SHISAL2B: variants seen among roughly 807,000 people sequenced by gnomAD.
SHISAL2B encodes the protein protein shisa-like-2B.
Under a neutral mutation model 16.5 loss-of-function variants are expected in SHISAL2B, and 12 were observed. That is an observed-to-expected ratio of 0.73 (90% CI 0.47 to 1.18). The LOEUF (loss-of-function observed/expected upper bound fraction) is 1.18, where lower values mean the gene tolerates loss of function less well. Among genes scored for constraint, SHISAL2B ranks in the 50% most tolerant of loss-of-function variants. The pLI, the probability that SHISAL2B is intolerant of heterozygous loss-of-function variation, is 0.00. For synonymous variants in SHISAL2B, 72 were observed against 75.0 expected, an observed-to-expected ratio of 0.96 and a Z score of 0.21; for missense variants, 183 against 193.6, an observed-to-expected ratio of 0.95 and a Z score of 0.33.
chr5:64,714,693 T>C (rs572167921), intron 2 of SHISAL2B, among the ~76,000 whole-genome samples: 90 of 152,212 alleles, frequency 5.9e-4, no homozygotes, highest in Admixed American at 2.1e-3. Flanking sequence ...ATCAGCGAGA[T>C]TCCGTGGGCG....
intron 2 of SHISAL2B, among the ~76,000 whole-genome samples, chr5:64,712,422 G>A: frequency 6.6e-6 from 1 of 152,010 alleles, no homozygotes; most frequent in East Asian, 1.9e-4. Flanking sequence ...TATAATTTCT[G>A]TTCTTTTACA....
intron 2 of SHISAL2B, among the ~76,000 whole-genome samples, chr5:64,715,870 G>A (rs568143196): frequency 7.9e-5 from 12 of 152,176 alleles, no homozygotes; most frequent in Middle Eastern, 3.4e-3. Context: ...GGAAATTTAA[G>A]GTACTTTCAT....
rs954206240 is a variant in SHISAL2B, at chr5:64,690,769, C to T, written c.146C>T (p.Pro49Leu). ...FADLKYCCSE[P>L]GSYFPYKHSY... is the part of the protein sequence containing the mutation. Reference sequence around the variant, plus strand: ...GACCTCAAGTACTGCTGCAGCGAGCCGGGCAGCTACTTCCCCTACAAGCAC... The same window carrying T: ...GACCTCAAGTACTGCTGCAGCGAGCTGGGCAGCTACTTCCCCTACAAGCAC... Residue 49 changes from proline to leucine, a missense_variant, in exon 1 of 3, where the codon CCG becomes CTG. By Grantham distance (98) the Pro-to-Leu change is moderately conservative (BLOSUM62 -3). Coordinates refer to ENST00000389074, the MANE Select transcript of SHISAL2B (RefSeq NM_001164442.2). 2.6e-6 allele frequency: 4 copies of T among 1,544,160 alleles called. No homozygotes were observed. Among genetic ancestry groups the T allele is most frequent in the African/African-American group, 1.4e-5 (1 of 72,878 alleles).
At chr5:64,715,334 T>G (rs1038016388) in intron 2 of SHISAL2B, among the ~76,000 whole-genome samples, 1 of 151,670 alleles carries the variant, frequency 6.6e-6, no homozygotes, top group Non-Finnish European at 1.5e-5. Context: ...ACATGCTATA[T>G]GGTGAAAAGA....
chr5:64,718,146 C>G lies in SHISAL2B; in HGVS notation c.*124C>G, dbSNP rs913120835. 5.8e-6 allele frequency: 4 copies of G among 689,156 alleles called. No individual in the cohort carries two copies. The highest frequency in any genetic ancestry group is 3.1e-4 in the Middle Eastern group (1 of 3,176). 42.7% of individuals were successfully genotyped at this position (689,156 alleles called of 1,614,324 possible). On this transcript the variant is annotated 3_prime_UTR_variant, in exon 3 of 3. Transcript: ENST00000389074. ...TCACTCACAAAGCAAGACACAGCTG[C>G]ATTTTTGATCATTCAGTTACTTTAT...
In SHISAL2B at chr5:64,704,786, G is replaced by A. The variant is rs570068805; in HGVS notation, c.349+9122G>A. On this transcript the variant is annotated intron_variant, in intron 2 of 2. Coordinates refer to ENST00000389074, the MANE Select transcript of SHISAL2B (RefSeq NM_001164442.2). ...TTATTAAAAAAAAAACAGAAAAGCT[G>A]AGGTTGCTGAGATATTTTCATCTTT... Among the ~76,000 whole-genome samples, 13 of 151,964 alleles carry A rather than the reference G, an allele frequency of 8.6e-5. No homozygotes were observed. In the East Asian group the frequency reaches 1.4e-3, roughly 16 times the overall value.
At chr5:64,706,946 C>A (rs1278924389) in intron 2 of SHISAL2B, among the ~76,000 whole-genome samples, 1 of 151,916 alleles carries the variant, frequency 6.6e-6, no homozygotes, top group East Asian at 1.9e-4. Context: ...GACTTGTAGC[C>A]TGGAAAAACT....
At chr5:64,700,842 C>T (rs1409888181) in intron 2 of SHISAL2B, among the ~76,000 whole-genome samples, 1 of 152,204 alleles carries the variant, frequency 6.6e-6, no homozygotes, top group African/African-American at 2.4e-5. Flanking sequence ...CTCAGATCAT[C>T]AGACATTAGA....
chr5:64,699,701 G>A (rs1035183423), intron 2 of SHISAL2B, among the ~76,000 whole-genome samples: 11 of 152,152 alleles, frequency 7.2e-5, no homozygotes, highest in African/African-American at 2.7e-4. Flanking sequence ...AATCTGAATG[G>A]CCTAAAGGGA....
At chr5:64,691,835 G>T (rs943658156) in intron 1 of SHISAL2B, among the ~76,000 whole-genome samples, 8 of 152,086 alleles carry the variant, frequency 5.3e-5, no homozygotes, top group African/African-American at 1.9e-4. Context: ...TTAGTTTATG[G>T]GGTTGGAGGA....
rs183127017 is a variant in SHISAL2B at position 64,697,703 on chromosome 5, A to G, written c.349+2039A>G. ...TAGAATATAAATTTAGGATTTATGT[A>G]TGTATTTAGAATGACACACAAGTGC... On this transcript the variant is annotated intron_variant, in intron 2 of 2. Transcript: ENST00000389074. Among the ~76,000 whole-genome samples the G allele has an allele frequency of 1.5e-4, 23 of 152,308 alleles. No homozygotes were observed. The East Asian group carries it at 3.7e-3, about 24-fold the overall frequency.
At chr5:64,716,595 G>T (rs766129600) in intron 2 of SHISAL2B, among the ~76,000 whole-genome samples, 2 of 152,098 alleles carry the variant, frequency 1.3e-5, no homozygotes, top group Non-Finnish European at 2.9e-5. Context: ...TTTTGGGTAG[G>T]TCTTATTGAG....
intron 2 of SHISAL2B, among the ~76,000 whole-genome samples, chr5:64,712,553 G>C (rs1365645395): frequency 2.0e-5 from 3 of 150,914 alleles, no homozygotes; most frequent in Non-Finnish European, 4.4e-5. Context: ...TGTCTATTAG[G>C]TCCACTTGGT....
intron 2 of SHISAL2B, among the ~76,000 whole-genome samples, chr5:64,715,007 C>T (rs890178717): frequency 4.7e-4 from 72 of 152,246 alleles, no homozygotes; most frequent in Middle Eastern, 3.4e-3. Flanking sequence ...TCTTCTGCGT[C>T]GCTCACGCTG....
intron 2 of SHISAL2B, among the ~76,000 whole-genome samples, chr5:64,703,183 C>T (rs1042185210): frequency 6.6e-6 from 1 of 152,084 alleles, no homozygotes; most frequent in Non-Finnish European, 1.5e-5. Context: ...TTCTAAATAG[C>T]CTTAACGTCC....
intron 2 of SHISAL2B, among the ~76,000 whole-genome samples, chr5:64,705,692 A>G (rs534236921): frequency 9.8e-4 from 150 of 152,348 alleles, no homozygotes; most frequent in Admixed American, 2.2e-3. Context: ...CAAATATTAT[A>G]TAATGTGAAT....
chr5:64,693,918 T>A (rs1305347560), intron 1 of SHISAL2B, among the ~76,000 whole-genome samples: 1 of 152,196 alleles, frequency 6.6e-6, no homozygotes, highest in Non-Finnish European at 1.5e-5. Flanking sequence ...ACTTCAAGTG[T>A]GTGCTTCAGG....
chr5:64,709,100 A>C (rs1741914614), intron 2 of SHISAL2B, among the ~76,000 whole-genome samples: 1 of 148,600 alleles, frequency 6.7e-6, no homozygotes, highest in Non-Finnish European at 1.5e-5. Flanking sequence ...GGTTAGTTAC[A>C]TATGTATACA....
At chr5:64,692,149 T>C (rs1221493591) in intron 1 of SHISAL2B, among the ~76,000 whole-genome samples, 2 of 152,156 alleles carry the variant, frequency 1.3e-5, no homozygotes, top group African/African-American at 4.8e-5. Context: ...CACTGGTTTA[T>C]TATCTGGCCT....
Sources: gnomAD v4.1 joint callset for allele counts (sites outside exome capture counted in the v4.1 genomes callset) on GRCh38, gnomAD v4.1.1 for gene constraint, MANE v1.5 for transcripts, NCBI Gene and HGNC (gene_info 2026-07-23, HGNC 2026-07-21) for gene names.